The following ZNF469 variants were observed in gnomAD, a reference collection of about 807,000 sequenced individuals.
The protein encoded by ZNF469 is zinc finger protein 469.
In ZNF469, 1 loss-of-function variant was observed where a neutral mutation model predicts 1.0. That is an observed-to-expected ratio of 1.00 (90% CI 0.35 to 4.73). The LOEUF is 4.73. Ranked by LOEUF, ZNF469 falls within the 30% of genes most tolerant of loss-of-function variation. The probability of loss-of-function intolerance (pLI) is 0.16; values close to 1 mark genes in which losing one functional copy is unlikely to be tolerated. For synonymous variants in ZNF469, 2,703 were observed against 2,363.4 expected, an observed-to-expected ratio of 1.14 and a Z score of -4.17; for missense variants, 6,100 against 5,356.3, an observed-to-expected ratio of 1.14 and a Z score of -4.33.
the ZNF469 span, among the ~76,000 whole-genome samples, chr16:88,372,440 CCATCACCAT>C: frequency 6.7e-6 from 1 of 148,588 alleles, no homozygotes; most frequent in African/African-American, 2.5e-5. Context: ...ATCATCATCA[CCATCACCAT>C]CATCACCATC....
chr16:88,118,218 C>G, the ZNF469 span, among the ~76,000 whole-genome samples: 1 of 152,254 alleles, frequency 6.6e-6, no homozygotes, highest in African/African-American at 2.4e-5. Context: ...GCTGGGATTA[C>G]AGGCGTGAAC....
the ZNF469 span, among the ~76,000 whole-genome samples, chr16:88,166,733 A>G: frequency 6.7e-6 from 1 of 150,370 alleles, no homozygotes; most frequent in East Asian, 1.9e-4. The surrounding 1 kb of genome is among the most constrained non-coding windows in gnomAD (Gnocchi z 4.5). Flanking sequence ...TGCCTTTCCT[A>G]CTCCGTGGAT....
In ZNF469 at chr16:88,433,570, G is replaced by A. The variant is rs1175600078; in HGVS notation, c.6100G>A (p.Val2034Ile). The change falls in exon 3 of 3, where the codon GTC (valine) becomes ATC (isoleucine). Residue 2034 changes from valine to isoleucine, a missense_variant. Coordinates refer to ENST00000565624, the MANE Select transcript of ZNF469 (RefSeq NM_001367624.2). ...GCTGACCGGCCCCACCGAGGGTGCAGTCCTGCTAGAGAAATGCAAGGGAAG... is the reference window on the plus strand; with the variant it reads ...GCTGACCGGCCCCACCGAGGGTGCAATCCTGCTAGAGAAATGCAAGGGAAG... ...TALTGPTEGA[V>I]LLEKCKGSRA... 2 of 1,550,256 alleles carry A rather than the reference G, an allele frequency of 1.3e-6. No individual in the cohort carries two copies. Among genetic ancestry groups the A allele is most frequent in the African/African-American group, 2.7e-5 (2 of 73,058 alleles).
chr16:88,320,737 G>A, the ZNF469 span, among the ~76,000 whole-genome samples: 1 of 152,274 alleles, frequency 6.6e-6, no homozygotes, highest in South Asian at 2.1e-4. Flanking sequence ...CACGTCAGCT[G>A]GAGACCCGCA....
At chr16:88,249,532 G>A in the ZNF469 span, among the ~76,000 whole-genome samples, 15 of 135,708 alleles carry the variant, frequency 1.1e-4, no homozygotes, top group African/African-American at 4.2e-4. Flanking sequence ...CACCTCCCTG[G>A]TTCACACCAT....
the ZNF469 span, among the ~76,000 whole-genome samples, chr16:88,135,531 T>C: frequency 1.3e-5 from 2 of 152,036 alleles, no homozygotes; most frequent in African/African-American, 4.8e-5. Flanking sequence ...ACTTGGGGTG[T>C]TCGTGTCACC....
chr16:88,435,105 C>T lies in ZNF469; in HGVS notation c.7635C>T (p.Asp2545=), dbSNP rs781553869. The T allele has an allele frequency of 1.7e-5, 27 of 1,550,376 alleles. No homozygotes were observed. Among genetic ancestry groups the T allele is most frequent in the Middle Eastern group, 1.7e-4 (1 of 5,992 alleles). The change falls in exon 3 of 3, where the codon GAC becomes GAT. Residue 2545 remains aspartate (D), a synonymous_variant. Transcript: ENST00000565624. Reference sequence around the variant, plus strand: ...AGAGACCAAATCACTCACGGGGAGACCCCAGCCACGTCACCCAGCCACCGC... The same window carrying T: ...AGAGACCAAATCACTCACGGGGAGATCCCAGCCACGTCACCCAGCCACCGC... The part of the protein sequence containing the change: ...GKERPNHSRG[D]PSHVTQPPPA...
chr16:88,150,235 G>T, the ZNF469 span, among the ~76,000 whole-genome samples: 1 of 151,906 alleles, frequency 6.6e-6, no homozygotes, highest in Non-Finnish European at 1.5e-5. Flanking sequence ...GCTTGAACCC[G>T]AGAGGCGGAG....
chr16:88,378,292 C>G (rs2092514039), upstream of ZNF469, among the ~76,000 whole-genome samples: 1 of 152,242 alleles, frequency 6.6e-6, no homozygotes, highest in Admixed American at 6.5e-5. Flanking sequence ...TTCTCTGCAG[C>G]ATCCAGACCC....
At chr16:88,279,585 G>C in the ZNF469 span, among the ~76,000 whole-genome samples, 9 of 123,410 alleles carry the variant, frequency 7.3e-5, no homozygotes, top group Admixed American at 6.9e-4. Context: ...CTGACACTCG[G>C]TCAGTACCGT....
In ZNF469 at chr16:88,428,187, T is replaced by C; in HGVS notation, c.717T>C (p.Ala239=). Residue 239 remains alanine, a synonymous_variant, in exon 3 of 3, where the codon GCT becomes GCC. Coordinates refer to ENST00000565624, the MANE Select transcript of ZNF469 (RefSeq NM_001367624.2). ...GGGCCGACTCCTGGCCTCCCGCTGC[T>C]GAGAATAGCTTCCCAGGTGCTAATT... The part of the protein sequence containing the change: ...ASGADSWPPA[A]ENSFPGANFG... The C allele has an allele frequency of 1.3e-6, 2 of 1,550,244 alleles. No homozygotes were observed. Among genetic ancestry groups the C allele is most frequent in the Non-Finnish European group, 1.7e-6 (2 of 1,146,920 alleles).
chr16:88,263,020 C>G, the ZNF469 span, among the ~76,000 whole-genome samples: 242 of 152,260 alleles, frequency 1.6e-3, 1 homozygote, highest in African/African-American at 5.7e-3. Context: ...AGGCGTGGCC[C>G]CCGGGAGAAG....
At chr16:88,196,809 A>G in the ZNF469 span, among the ~76,000 whole-genome samples, 1 of 152,268 alleles carries the variant, frequency 6.6e-6, no homozygotes, top group Non-Finnish European at 1.5e-5. Flanking sequence ...GGAGCCGGAG[A>G]CTGAGCACTG....
At chr16:88,380,836 T>TCA (rs1290752323), upstream of ZNF469, among the ~76,000 whole-genome samples, 2 of 91,534 alleles carry the variant, frequency 2.2e-5, no homozygotes, top group Non-Finnish European at 4.6e-5. Context: ...ACACACGCAC[T>TCA]CACACAGACA....
the ZNF469 span, among the ~76,000 whole-genome samples, chr16:88,130,393 AG>A: frequency 6.6e-6 from 1 of 151,806 alleles, no homozygotes; most frequent in African/African-American, 2.4e-5. Flanking sequence ...TAAAAACCAC[AG>A]GGCGTGTGGG....
At chr16:88,357,445 C>T in the ZNF469 span, among the ~76,000 whole-genome samples, 1 of 152,094 alleles carries the variant, frequency 6.6e-6, no homozygotes, top group East Asian at 1.9e-4. Flanking sequence ...AGTGTAGGTT[C>T]GAGTCTCATC....
At chr16:88,159,809 C>T in the ZNF469 span, among the ~76,000 whole-genome samples, 25 of 152,228 alleles carry the variant, frequency 1.6e-4, no homozygotes, top group Middle Eastern at 3.4e-3. Flanking sequence ...TTGTCACCAG[C>T]GGTGGGCAGT....
At position 88,428,307 on chromosome 16, in the gene ZNF469, A is replaced by G. The variant is rs946935375; in HGVS notation, c.837A>G (p.Ala279=). 1 of 1,550,242 alleles carries G rather than the reference A, an allele frequency of 6.5e-7. No individual in the cohort carries two copies. The highest frequency in any genetic ancestry group is 1.4e-5 in the African/African-American group (1 of 73,134). ...RGVSFQFPFP[A]LHGASTKPFP... ...TTTCCTTCCAGTTCCCCTTCCCGGC[A>G]CTGCATGGGGCCAGCACAAAACCCT... The change falls in exon 3 of 3, where the codon GCA becomes GCG. Residue 279 remains alanine (A), a synonymous_variant. Coordinates refer to ENST00000565624, the MANE Select transcript of ZNF469 (RefSeq NM_001367624.2).
At chr16:88,143,441 G>A in the ZNF469 span, among the ~76,000 whole-genome samples, 1 of 152,306 alleles carries the variant, frequency 6.6e-6, no homozygotes, top group African/African-American at 2.4e-5. Flanking sequence ...CCTTGTTGCT[G>A]GGGGGATACA....
Sources: gnomAD v4.1 joint callset for allele counts (sites outside exome capture counted in the v4.1 genomes callset) on GRCh38, gnomAD v4.1.1 for gene constraint, Gnocchi (gnomAD v3.1) non-coding constraint, MANE v1.5 for transcripts, NCBI Gene and HGNC (gene_info 2026-07-23, HGNC 2026-07-21) for gene names.